The following CRTAC1 variants were observed in gnomAD, a reference collection of about 807,000 sequenced individuals.
The protein encoded by CRTAC1 is cartilage acidic protein 1, also known as acidic secreted protein in cartilage.
CRTAC1 carries 37 observed loss-of-function variants against 67.8 expected under a neutral mutation model. The observed-to-expected ratio is 0.55, with a 90% confidence interval of 0.42 to 0.72. The LOEUF (loss-of-function observed/expected upper bound fraction) is 0.72, where lower values mean the gene tolerates loss of function less well. Ranked by LOEUF, CRTAC1 falls within the 30% of genes least tolerant of loss-of-function variation. The probability of loss-of-function intolerance (pLI) is 0.00; values close to 1 mark genes in which losing one functional copy is unlikely to be tolerated. For missense variants in CRTAC1, 780 were observed against 931.6 expected, an observed-to-expected ratio of 0.84 and a Z score of 2.12; for synonymous variants, 348 against 371.0, an observed-to-expected ratio of 0.94 and a Z score of 0.71.
At chr10:97,925,133 T>C (rs891803107) in intron 3 of CRTAC1, among the ~76,000 whole-genome samples, 2 of 152,090 alleles carry the variant, frequency 1.3e-5, no homozygotes, top group African/African-American at 4.8e-5. Context: ...TAGCCAGGTG[T>C]GGTGGCACAT....
At chr10:97,996,912 A>G (rs1842584706) in intron 2 of CRTAC1, among the ~76,000 whole-genome samples, 1 of 152,118 alleles carries the variant, frequency 6.6e-6, no homozygotes, top group Admixed American at 6.5e-5. Context: ...CCAGAAAAAA[A>G]TGATGAGTTC....
intron 11 of CRTAC1, among the ~76,000 whole-genome samples, chr10:97,894,977 C>T (rs1247695732): frequency 1.3e-5 from 2 of 151,608 alleles, no homozygotes; most frequent in Non-Finnish European, 2.9e-5. Flanking sequence ...GAGGATTAAA[C>T]ACTCTGACCC....
chr10:97,884,958 T>C (rs574711444), intron 11 of CRTAC1, among the ~76,000 whole-genome samples: 2 of 152,376 alleles, frequency 1.3e-5, no homozygotes, highest in South Asian at 2.1e-4. Context: ...ATGCTTCTTG[T>C]GTTTCTATTT....
intron 14 of CRTAC1, chr10:97,866,684 GTC>G (rs2050029284): frequency 6.6e-6 from 1 of 152,270 alleles, no homozygotes; most frequent in Non-Finnish European, 1.5e-5. Context: ...ACCTGTGTGT[GTC>G]TGAGTACATG....
chr10:97,871,885 G>T (rs1198907682), intron 14 of CRTAC1, among the ~76,000 whole-genome samples: 1 of 152,176 alleles, frequency 6.6e-6, no homozygotes, highest in Non-Finnish European at 1.5e-5. Flanking sequence ...GAAGGTACTA[G>T]TTATTTTGGA....
chr10:98,000,698 C>T (rs1467684412), intron 2 of CRTAC1, among the ~76,000 whole-genome samples: 3 of 152,140 alleles, frequency 2.0e-5, no homozygotes, highest in African/African-American at 7.2e-5. Flanking sequence ...GAGCGACACC[C>T]CAGAGATCCT....
At position 97,917,621 on chromosome 10, in the gene CRTAC1, G is replaced by A. The variant is rs145011978; in HGVS notation, c.594C>T (p.Tyr198=). 2.1e-5 allele frequency: 33 copies of A among 1,596,424 alleles called. No individual in the cohort carries two copies. Among genetic ancestry groups the A allele is most frequent in the South Asian group, 1.5e-4 (13 of 87,450 alleles). The change falls in exon 5 of 15, where the codon TAC becomes TAT. Residue 198 remains tyrosine, a synonymous_variant. Transcript: ENST00000370597. ...SGRYSIYIAN[Y]AYGNVGPDAL... is the part of the protein sequence containing the mutation. ...CATCAGGGCCCACATTACCGTAGGCGTAATTGGCAATGTAGATAGAGTAGC... is the reference window on the plus strand; with the variant it reads ...CATCAGGGCCCACATTACCGTAGGCATAATTGGCAATGTAGATAGAGTAGC...
At chr10:97,958,397 T>C (rs181798241) in intron 2 of CRTAC1, among the ~76,000 whole-genome samples, 107 of 152,342 alleles carry the variant, frequency 7.0e-4, no homozygotes, top group Non-Finnish European at 1.2e-3. Flanking sequence ...TTTGAAGAAG[T>C]GGCCATCTCT....
intron 2 of CRTAC1, among the ~76,000 whole-genome samples, chr10:97,969,313 C>T (rs1197287587): frequency 6.6e-6 from 1 of 152,128 alleles, no homozygotes; most frequent in Non-Finnish European, 1.5e-5. Context: ...TGGCAAAGCT[C>T]TCAGGTGTTT....
chr10:97,952,762 C>G (rs983501165), intron 2 of CRTAC1, among the ~76,000 whole-genome samples: 7 of 152,246 alleles, frequency 4.6e-5, no homozygotes, highest in African/African-American at 1.7e-4. Flanking sequence ...ACAAAAAAGA[C>G]TTGCACAAAT....
intron 2 of CRTAC1, among the ~76,000 whole-genome samples, chr10:97,946,901 C>T (rs997657984): frequency 1.6e-4 from 24 of 152,304 alleles, no homozygotes; most frequent in South Asian, 1.0e-3. Context: ...GAGTTGGCAG[C>T]GATGAGATCA....
chr10:97,872,375 C>T (rs1054031601), intron 14 of CRTAC1, among the ~76,000 whole-genome samples: 1 of 152,198 alleles, frequency 6.6e-6, no homozygotes, highest in African/African-American at 2.4e-5. Flanking sequence ...CCCCAGGCTA[C>T]CCCCTGAGCT....
At chr10:97,932,150 C>A (rs962544059) in intron 3 of CRTAC1, among the ~76,000 whole-genome samples, 2 of 152,112 alleles carry the variant, frequency 1.3e-5, no homozygotes, top group Non-Finnish European at 2.9e-5. Context: ...TGTTACAATG[C>A]GGTCCTTTTC....
At chr10:98,003,794 T>G (rs1842736482) in intron 2 of CRTAC1, among the ~76,000 whole-genome samples, 2 of 152,178 alleles carry the variant, frequency 1.3e-5, no homozygotes, top group Admixed American at 6.5e-5. Flanking sequence ...TGCATGTGTG[T>G]CTGTCTGTCT....
chr10:97,883,849 C>T (rs1397308457), intron 12 of CRTAC1, among the ~76,000 whole-genome samples: 1 of 152,192 alleles, frequency 6.6e-6, no homozygotes. Flanking sequence ...CAGAAAGAAC[C>T]AGGAGGGCAG....
At position 98,011,343 on chromosome 10, in the gene CRTAC1, A is replaced by G; in HGVS notation, c.25-6T>C. On this transcript the variant is annotated splice_polypyrimidine_tract_variant and splice_region_variant and intron_variant, in intron 1 of 14. Coordinates refer to ENST00000370597, the MANE Select transcript of CRTAC1 (RefSeq NM_018058.7). ...AACGGTAACATCCTGGACATCTGAA[A>G]CCAAAAGTGACAAATGTTACCGAAA... is the stretch of plus-strand genomic sequence containing the variant. 10 of 1,613,402 alleles carry G rather than the reference A, an allele frequency of 6.2e-6. No individual in the cohort carries two copies. The highest frequency in any genetic ancestry group is 7.6e-6 in the Non-Finnish European group (9 of 1,179,962).
chr10:97,895,891 G>A lies in CRTAC1; in HGVS notation c.1311C>T (p.Gly437=), dbSNP rs577537. ...SMAQPLSVFR[G]NQGFNNNWLR... is the part of the protein sequence containing the mutation. ...TCCTGAGGTCTTAGCGCACCTGATT[G>A]CCCCGGAAGACGGACAGCGGCTGAG... The change falls in exon 10 of 15, where the codon GGC becomes GGT. Residue 437 remains glycine, a synonymous_variant. Transcript: ENST00000370597. The surrounding 1 kb of genome is among the most constrained non-coding windows in gnomAD (Gnocchi z 4.2). 3 of 1,612,154 alleles carry A rather than the reference G, an allele frequency of 1.9e-6. No homozygotes were observed. The highest frequency in any genetic ancestry group is 2.5e-6 in the Non-Finnish European group (3 of 1,178,516).
chr10:97,941,909 G>C (rs146878734), intron 2 of CRTAC1, among the ~76,000 whole-genome samples: 1 of 152,126 alleles, frequency 6.6e-6, no homozygotes, highest in Non-Finnish European at 1.5e-5. Flanking sequence ...CTTGGAGCCC[G>C]CATGGTCTGC....
chr10:97,996,415 T>G (rs1309728587), intron 2 of CRTAC1, among the ~76,000 whole-genome samples: 1 of 151,610 alleles, frequency 6.6e-6, no homozygotes, highest in African/African-American at 2.4e-5. Flanking sequence ...CATCAAAAAG[T>G]GGGCAAAGGA....
Sources: allele counts gnomAD v4.1 joint callset (sites outside exome capture counted in the v4.1 genomes callset), GRCh38; gene constraint gnomAD v4.1.1; non-coding constraint Gnocchi (gnomAD v3.1); transcripts MANE v1.5; gene names NCBI Gene and HGNC (gene_info 2026-07-23, HGNC 2026-07-21).